Variants in ADGRL3 observed in about 807,000 individuals in gnomAD.
ADGRL3 encodes the protein adhesion G protein-coupled receptor L3.
ADGRL3 carries 62 observed loss-of-function variants against 153.5 expected under a neutral mutation model. The observed-to-expected ratio is 0.40, with a 90% confidence interval of 0.33 to 0.50. ADGRL3 has a LOEUF of 0.50. ADGRL3 is among the 20% of genes least tolerant of loss of function. The pLI, the probability that ADGRL3 is intolerant of heterozygous loss-of-function variation, is 0.47. For synonymous variants in ADGRL3, 710 were observed against 672.5 expected (o/e 1.06, Z -0.86); for missense variants, 1,641 against 1,859.4 (o/e 0.88, Z 2.16).
At position 61,213,556 on chromosome 4, in the gene ADGRL3, C is replaced by T. The variant is rs558359184; in HGVS notation, c.-240+11791C>T. ...AAATCACTCAACATAACATAACATA[C>T]TGGCATACCACTGTGTTCACAGAGA... On this transcript the variant is annotated intron_variant, in intron 1 of 26. Transcript: ENST00000683033. 2.0e-5 allele frequency among the ~76,000 whole-genome samples: 3 copies of T among 152,240 alleles called. No individual in the cohort carries two copies. In the South Asian group the frequency reaches 6.2e-4, roughly 32 times the overall value.
chr4:61,686,125 G>A (rs2095437976), intron 6 of ADGRL3, among the ~76,000 whole-genome samples: 1 of 151,942 alleles, frequency 6.6e-6, no homozygotes, highest in South Asian at 2.1e-4. Flanking sequence ...ATTCAAAATA[G>A]GAAAATATAG....
chr4:61,500,733 TA>T (rs1208959953), intron 3 of ADGRL3, among the ~76,000 whole-genome samples: 1 of 152,226 alleles, frequency 6.6e-6, no homozygotes, highest in African/African-American at 2.4e-5. Flanking sequence ...TTTATAGCCA[TA>T]AACTTTAGAT....
chr4:61,513,978 T>C (rs2152886195), intron 3 of ADGRL3, among the ~76,000 whole-genome samples: 1 of 152,294 alleles, frequency 6.6e-6, no homozygotes, highest in African/African-American at 2.4e-5. Flanking sequence ...AACTTATGGT[T>C]AATGCCACAA....
chr4:61,372,001 C>T (rs912936965), intron 1 of ADGRL3, among the ~76,000 whole-genome samples: 4 of 152,064 alleles, frequency 2.6e-5, no homozygotes, highest in African/African-American at 9.7e-5. Context: ...TCGCTGATAC[C>T]CTTTCTCCAG....
chr4:61,712,793 T>C (rs1454934167), intron 6 of ADGRL3, among the ~76,000 whole-genome samples: 1 of 152,222 alleles, frequency 6.6e-6, no homozygotes, highest in Non-Finnish European at 1.5e-5. Flanking sequence ...AGTGCTGTCT[T>C]ATATATTCAT....
intron 3 of ADGRL3, among the ~76,000 whole-genome samples, chr4:61,507,307 CA>C (rs1290411831): frequency 6.6e-6 from 1 of 152,036 alleles, no homozygotes; most frequent in Middle Eastern, 3.2e-3. Context: ...AGATTAGTTA[CA>C]AAAGCTGGAT....
intron 25 of ADGRL3, among the ~76,000 whole-genome samples, chr4:62,064,177 G>C (rs919013215): frequency 3.3e-5 from 5 of 152,050 alleles, no homozygotes; most frequent in Admixed American, 2.0e-4. Flanking sequence ...GTAGCAGCTT[G>C]GGTTCCGCCT....
intron 25 of ADGRL3, among the ~76,000 whole-genome samples, chr4:62,058,659 A>G (rs1738389305): frequency 1.3e-5 from 2 of 152,104 alleles, no homozygotes; most frequent in South Asian, 4.1e-4. Context: ...CATCGTATGT[A>G]TGTCTTCAAA....
intron 21 of ADGRL3, among the ~76,000 whole-genome samples, chr4:62,016,664 A>G (rs927602002): frequency 6.6e-6 from 1 of 152,116 alleles, no homozygotes; most frequent in African/African-American, 2.4e-5. Context: ...TGTTTTAGCT[A>G]CTCAGGAATT....
chr4:61,735,317 C>T (rs2096494065), intron 8 of ADGRL3, among the ~76,000 whole-genome samples: 1 of 152,168 alleles, frequency 6.6e-6, no homozygotes, highest in Non-Finnish European at 1.5e-5. Flanking sequence ...CACTTGTTTC[C>T]ACAATCAGCA....
chr4:61,397,507 A>G (rs2096882277), intron 2 of ADGRL3, among the ~76,000 whole-genome samples: 2 of 151,916 alleles, frequency 1.3e-5, no homozygotes. Context: ...TTTATTGCCT[A>G]GAGAGTTATG....
At chr4:61,935,087 A>C (rs2098832589) in intron 14 of ADGRL3, 64 bp downstream of exon 14, 1 of 1,401,590 alleles carries the variant, frequency 7.1e-7, no homozygotes, top group African/African-American at 1.4e-5. Flanking sequence ...GGAAAAGAAA[A>C]AAGTATCTCT....
intron 1 of ADGRL3, among the ~76,000 whole-genome samples, chr4:61,324,041 G>C (rs565568313): frequency 3.3e-5 from 5 of 152,190 alleles, no homozygotes; most frequent in Non-Finnish European, 7.3e-5. Context: ...ATGGATGGCA[G>C]CAGGCAAAGA....
At chr4:61,727,747 C>T (rs575367374) in intron 6 of ADGRL3, among the ~76,000 whole-genome samples, 16 of 152,092 alleles carry the variant, frequency 1.1e-4, no homozygotes, top group African/African-American at 3.9e-4. Flanking sequence ...TACTTTCTTC[C>T]CCACCCATTA....
intron 9 of ADGRL3, among the ~76,000 whole-genome samples, chr4:61,880,441 A>G (rs1424844693): frequency 6.6e-6 from 1 of 152,210 alleles, no homozygotes; most frequent in East Asian, 1.9e-4. Context: ...TGGAGTGTTA[A>G]TCAAATTTTT....
At chr4:62,045,546 C>T (rs1212416334) in intron 25 of ADGRL3, among the ~76,000 whole-genome samples, 1 of 151,770 alleles carries the variant, frequency 6.6e-6, no homozygotes, top group African/African-American at 2.4e-5. Context: ...ATAATTATGG[C>T]TTATGATTCA....
At chr4:61,498,511 C>T in intron 3 of ADGRL3, among the ~76,000 whole-genome samples, 1 of 151,878 alleles carries the variant, frequency 6.6e-6, no homozygotes, top group East Asian at 1.9e-4. Flanking sequence ...GATCGTGCCA[C>T]TGCATTCCAG....
At chr4:61,318,527 T>G (rs1359617402) in intron 1 of ADGRL3, among the ~76,000 whole-genome samples, 1 of 152,184 alleles carries the variant, frequency 6.6e-6, no homozygotes, top group Admixed American at 6.5e-5. Context: ...AATATCATTA[T>G]AATTTCCCTG....
Position 61,328,535 on chromosome 4 carries a change from CAAAG to C in ADGRL3, c.-239-54585_-239-54582del, listed in dbSNP as rs533304528. On this transcript the variant is annotated intron_variant, in intron 1 of 26. Coordinates refer to ENST00000683033, the MANE Select transcript of ADGRL3 (RefSeq NM_001387552.1). ...TTTTATAGCATATAAAAGAATCTGA[CAAAG>C]AAACTCCTATCTATTACAAGAGAAA... is the stretch of plus-strand genomic sequence containing the variant. Among the ~76,000 whole-genome samples the C allele has an allele frequency of 2.5e-3, 373 of 152,040 alleles. 2 individuals carry two copies. The highest frequency in any genetic ancestry group is 8.5e-3 in the African/African-American group (354 of 41,502).
Sources: allele counts gnomAD v4.1 joint callset (sites outside exome capture counted in the v4.1 genomes callset), GRCh38; gene constraint gnomAD v4.1.1; transcripts MANE v1.5; gene names NCBI Gene and HGNC (gene_info 2026-07-23, HGNC 2026-07-21).